ADGRG3: variants seen among roughly 807,000 people sequenced by gnomAD.
ADGRG3 encodes G protein-coupled receptor 97.
Under a neutral mutation model 54.3 loss-of-function variants are expected in ADGRG3, and 39 were observed. The ratio of observed to expected loss-of-function variants is 0.72; its 90% CI spans 0.56 to 0.94. The LOEUF is 0.94. Among genes scored for constraint, ADGRG3 ranks in the 40% least tolerant of loss-of-function variants. The pLI is 0.00. For missense variants in ADGRG3, 654 were observed against 694.6 expected, an observed-to-expected ratio of 0.94 and a Z score of 0.66; for synonymous variants, 312 against 290.0, an observed-to-expected ratio of 1.08 and a Z score of -0.77.
chr16:57,673,771 C>A (rs567188302), intron 2 of ADGRG3, among the ~76,000 whole-genome samples: 1 of 152,222 alleles, frequency 6.6e-6, no homozygotes, highest in South Asian at 2.1e-4. Flanking sequence ...AGACAAGGTG[C>A]CAGGTTAGCC....
At chr16:57,682,394 G>T in intron 8 of ADGRG3, 1 of 697,948 alleles carries the variant, frequency 1.4e-6, no homozygotes, top group Non-Finnish European at 1.8e-6. Flanking sequence ...GTCAGCATTT[G>T]GCCCTAGGCT....
chr16:57,668,682 C>T (rs2048096141), intron 1 of ADGRG3, among the ~76,000 whole-genome samples: 1 of 152,220 alleles, frequency 6.6e-6, no homozygotes, highest in Admixed American at 6.5e-5. Flanking sequence ...AGGGTGCTCC[C>T]TGACTCCCCA....
chr16:57,675,012 A>AAAAAAAAAAC (rs35561154), intron 2 of ADGRG3, among the ~76,000 whole-genome samples: 1 of 115,342 alleles, frequency 8.7e-6, no homozygotes, highest in East Asian at 2.5e-4. Context: ...AAAAAAAAAA[A>AAAAAAAAAAC]AGCAGCAGCA....
chr16:57,684,284 G>C, intron 9 of ADGRG3, 72 bp downstream of exon 9: 3 of 1,576,638 alleles, frequency 1.9e-6, no homozygotes, highest in East Asian at 2.2e-5. Flanking sequence ...CTTGGGGAGA[G>C]AGAGGAGGGG....
At position 57,676,320 on chromosome 16, in the gene ADGRG3, C is replaced by T. The variant is rs767431539; in HGVS notation, c.327C>T (p.Phe109=). 1 of 1,614,146 alleles carries T rather than the reference C, an allele frequency of 6.2e-7. No individual in the cohort carries two copies. The highest frequency in any genetic ancestry group is 8.5e-7 in the Non-Finnish European group (1 of 1,179,982). Residue 109 remains phenylalanine, a synonymous_variant, in exon 3 of 12, where the codon TTC becomes TTT. Coordinates refer to ENST00000333493, the MANE Select transcript of ADGRG3 (RefSeq NM_170776.5). ...CCAACACTGCAGAAGACTTCTATTT[C>T]TCTCTGGAGCCCTCTCAGGTGAAGA... ...LSTNTAEDFY[F]SLEPSQVPRQ... is the part of the protein sequence containing the mutation.
In ADGRG3 at chr16:57,679,835, T is replaced by C; in HGVS notation, c.647T>C (p.Val216Ala). The C allele has an allele frequency of 6.2e-7, 1 of 1,612,556 alleles. No individual in the cohort carries two copies. The highest frequency in any genetic ancestry group is 8.5e-7 in the Non-Finnish European group (1 of 1,178,886). The change falls in exon 6 of 12, where the codon GTA becomes GCA. Residue 216 changes from valine (V) to alanine (A), a missense_variant. Physicochemically the swap from Val to Ala is moderately conservative, Grantham distance 64 (BLOSUM62 0). Coordinates refer to ENST00000333493, the MANE Select transcript of ADGRG3 (RefSeq NM_170776.5). Reference protein sequence around the residue: ...RPPPNMTLTCVFWDVTKGTTG... With the variant: ...RPPPNMTLTCAFWDVTKGTTG... ...TTTCAGAACATGACCCTCACCTGTGTATTCTGGGATGTGACTAAAGGTAGG... is the reference window on the plus strand; with the variant it reads ...TTTCAGAACATGACCCTCACCTGTGCATTCTGGGATGTGACTAAAGGTAGG...
Position 57,684,059 on chromosome 16 carries a change from G to A in ADGRG3, c.1009G>A (p.Ala337Thr), listed in dbSNP as rs1253305809. The stretch of plus-strand genomic sequence containing the variant: ...GAGTGGCTCAAAGGGGTCTGATGCT[G>A]CCTGCTGGGCCCGGGGGGCTGTCTT... The part of the protein sequence containing the change: ...VGSGSKGSDA[A>T]CWARGAVFHY... The change falls in exon 9 of 12, where the codon GCC (alanine) becomes ACC (threonine). Residue 337 changes from alanine to threonine, a missense_variant. Coordinates refer to ENST00000333493, the MANE Select transcript of ADGRG3 (RefSeq NM_170776.5). 1.1e-5 allele frequency: 17 copies of A among 1,613,970 alleles called. No homozygotes were observed. Among genetic ancestry groups the A allele is most frequent in the Non-Finnish European group, 1.3e-5 (15 of 1,179,980 alleles).
At chr16:57,668,530 TCCGATAC>T in intron 1 of ADGRG3, 125 bp downstream of exon 1, 2 of 881,848 alleles carry the variant, frequency 2.3e-6, no homozygotes, top group Admixed American at 4.3e-5. Flanking sequence ...GGATGTGTCC[TCCGATAC>T]CCCCCGTGGC....
At chr16:57,669,530 C>G (rs60054202) in intron 1 of ADGRG3, among the ~76,000 whole-genome samples, 29,030 of 152,102 alleles carry the variant, frequency 0.19, 3,454 homozygotes, top group African/African-American at 0.34. Flanking sequence ...GGCCTTCAAG[C>G]CTCCTCCAGG....
intron 1 of ADGRG3, among the ~76,000 whole-genome samples, chr16:57,672,421 A>G (rs1277506252): frequency 1.3e-5 from 2 of 152,202 alleles, no homozygotes; most frequent in Non-Finnish European, 2.9e-5. Context: ...GCATATGCAT[A>G]CCTTCTGCAA....
chr16:57,676,921 G>A (rs750441601), intron 3 of ADGRG3, among the ~76,000 whole-genome samples: 2 of 152,248 alleles, frequency 1.3e-5, no homozygotes, highest in Non-Finnish European at 2.9e-5. Context: ...GGGATAGTGA[G>A]GGCTTAGAAA....
At chr16:57,671,700 A>G (rs1300454270) in intron 1 of ADGRG3, among the ~76,000 whole-genome samples, 6 of 152,220 alleles carry the variant, frequency 3.9e-5, no homozygotes, top group African/African-American at 1.4e-4. Context: ...AATGTTTTCT[A>G]TGAGTTCTCA....
chr16:57,665,965 C>A (rs1387948111), upstream of ADGRG3, among the ~76,000 whole-genome samples: 1 of 151,886 alleles, frequency 6.6e-6, no homozygotes, highest in Non-Finnish European at 1.5e-5. Flanking sequence ...TCCCTCCACC[C>A]CCTCCACTCC....
intron 2 of ADGRG3, among the ~76,000 whole-genome samples, chr16:57,675,005 AAAAAAAAAGC>A (rs1300586032): frequency 8.8e-6 from 1 of 113,650 alleles, no homozygotes; most frequent in African/African-American, 2.7e-5. Flanking sequence ...CAAAAAAAAA[AAAAAAAAAGC>A]AGCAGCAGCA....
rs1161988974 is a variant in ADGRG3 at position 57,684,383 on chromosome 16, T to C, written c.1163-7T>C. On this transcript the variant is annotated splice_region_variant and splice_polypyrimidine_tract_variant and intron_variant, in intron 9 of 11. Transcript: ENST00000333493. ...AGTGGTGTCATGCCATTTCCCCTTG[T>C]GCCCAGGCCTGCCCGCCCTGATGGT... 2 of 1,611,400 alleles carry C rather than the reference T, an allele frequency of 1.2e-6. No individual in the cohort carries two copies. Among genetic ancestry groups the C allele is most frequent in the East Asian group, 4.5e-5 (2 of 44,842 alleles).
upstream of ADGRG3, among the ~76,000 whole-genome samples, chr16:57,666,356 T>C (rs2048058433): frequency 6.6e-6 from 1 of 152,254 alleles, no homozygotes. Context: ...AGGTAGGCCC[T>C]GCACAGGGCA....
intron 2 of ADGRG3, among the ~76,000 whole-genome samples, chr16:57,675,012 A>AAAAAACAGC (rs35561154): frequency 1.7e-5 from 2 of 115,342 alleles, no homozygotes; most frequent in Admixed American, 1.1e-4. Context: ...AAAAAAAAAA[A>AAAAAACAGC]AGCAGCAGCA....
intron 1 of ADGRG3, among the ~76,000 whole-genome samples, chr16:57,670,495 C>G (rs565180529): frequency 6.6e-6 from 1 of 151,992 alleles, no homozygotes; most frequent in Admixed American, 6.6e-5. Flanking sequence ...CCTCTCCTGT[C>G]CTCTTCCTTC....
At chr16:57,675,726 T>A (rs569868612) in intron 2 of ADGRG3, among the ~76,000 whole-genome samples, 1 of 152,274 alleles carries the variant, frequency 6.6e-6, no homozygotes, top group African/African-American at 2.4e-5. Flanking sequence ...AAAGGCTGCA[T>A]GTTGTATGAT....
Sources: gnomAD v4.1 joint callset for allele counts (sites outside exome capture counted in the v4.1 genomes callset) on GRCh38, gnomAD v4.1.1 for gene constraint, MANE v1.5 for transcripts, NCBI Gene and HGNC (gene_info 2026-07-23, HGNC 2026-07-21) for gene names.